Variants in AK9 observed in about 807,000 individuals in gnomAD.
The protein encoded by AK9 is adenylate kinase domain containing 1.
AK9 carries 191 observed loss-of-function variants against 239.6 expected under a neutral mutation model. That is an observed-to-expected ratio of 0.80 (90% CI 0.71 to 0.90). The LOEUF (loss-of-function observed/expected upper bound fraction) is 0.90. AK9 is among the 40% of genes least tolerant of loss of function. AK9 has a pLI of 0.00. For missense variants in AK9, 1,995 were observed against 2,214.7 expected, an observed-to-expected ratio of 0.90 and a Z score of 1.99; for synonymous variants, 689 against 721.0, an observed-to-expected ratio of 0.96 and a Z score of 0.71.
chr6:109,573,278 A>T (rs1268764642), intron 21 of AK9, among the ~76,000 whole-genome samples, 164 bp downstream of exon 21: 1 of 149,630 alleles, frequency 6.7e-6, no homozygotes, highest in Non-Finnish European at 1.5e-5. Context: ...CTTTCCTACC[A>T]CACTTCAAAC....
At chr6:109,537,973 T>C (rs1782268029) in intron 27 of AK9, among the ~76,000 whole-genome samples, 1 of 152,176 alleles carries the variant, frequency 6.6e-6, no homozygotes, top group African/African-American at 2.4e-5. Flanking sequence ...TGAGAGACAG[T>C]TTGTTATAAT....
Position 109,656,761 on chromosome 6 carries a change from A to C in AK9, c.754T>G (p.Leu252Val). ...GCAATATATTTTGTTCTTACTTCTA[A>C]AGTTTGGAGAATTGTTTCCTTATAA... ...KLYKETILQT[L>V]EEVMAEHNPQ... Residue 252 changes from leucine to valine, a missense_variant, in exon 8 of 41, where the codon TTA (leucine) becomes GTA (valine). Coordinates refer to ENST00000424296, the MANE Select transcript of AK9 (RefSeq NM_001145128.3). 1 of 1,587,156 alleles carries C rather than the reference A, an allele frequency of 6.3e-7. No homozygotes were observed. The highest frequency in any genetic ancestry group is 1.1e-5 in the South Asian group (1 of 89,068).
rs148600933 is a variant in AK9, at chr6:109,596,740, C to T, written c.1843-10668G>A. On this transcript the variant is annotated intron_variant, in intron 17 of 40. Coordinates refer to ENST00000424296, the MANE Select transcript of AK9 (RefSeq NM_001145128.3). ...TTATACCACATCTTCTTTATCCAGT[C>T]CTCCATGGATGGACACTTAGGTTGA... Among the ~76,000 whole-genome samples, 19 of 152,304 alleles carry T rather than the reference C, an allele frequency of 1.2e-4. No homozygotes were observed. In the East Asian group the frequency reaches 3.7e-3, roughly 29 times the overall value.
intron 7 of AK9, 57 bp downstream of exon 7, chr6:109,659,171 T>G: frequency 1.4e-6 from 2 of 1,442,772 alleles, no homozygotes; most frequent in Non-Finnish European, 1.8e-6. Flanking sequence ...ATCATTTACC[T>G]TAATTATAGC....
chr6:109,531,787 A>G (rs950310653), intron 28 of AK9, among the ~76,000 whole-genome samples: 2 of 152,160 alleles, frequency 1.3e-5, no homozygotes, highest in African/African-American at 4.8e-5. Flanking sequence ...CTCGCATAGC[A>G]GACAGTTTGG....
chr6:109,689,032 C>T (rs966555007), intron 1 of AK9, among the ~76,000 whole-genome samples: 1 of 152,142 alleles, frequency 6.6e-6, no homozygotes, highest in African/African-American at 2.4e-5. Context: ...TTATGCTCCT[C>T]AGGGATGAAA....
In AK9 at chr6:109,662,555, A is replaced by G; in HGVS notation, c.440T>C (p.Ile147Thr). 6.5e-7 allele frequency: 1 copy of G among 1,532,518 alleles called. No homozygotes were observed. The highest frequency in any genetic ancestry group is 2.4e-5 in the East Asian group (1 of 40,924). The allele number at this position is 1,532,518 out of a possible 1,614,324, so 94.9% of individuals were successfully genotyped here. A position where few individuals can be genotyped will look rare whatever the true frequency, so the allele number is the denominator to read the frequency against. The change falls in exon 6 of 41, where the codon ATA becomes ACA. Residue 147 changes from isoleucine (I) to threonine (T), a missense_variant. Around this residue, in one of 5 missense-constraint regions of AK9, gnomAD observed 252 missense variants for 246.4 expected, o/e 1.02. Transcript: ENST00000424296. ...LNLKPDVIINIKCPDYDLCQR... is the reference protein window; with the variant it reads ...LNLKPDVIINTKCPDYDLCQR... ...CAAAACAATTAATATCCTTACCTTT[A>G]TATTGATTATAACATCAGGTTTCAG...
chr6:109,572,414 A>C (rs1287228519), intron 21 of AK9, among the ~76,000 whole-genome samples: 1 of 152,216 alleles, frequency 6.6e-6, no homozygotes, highest in Non-Finnish European at 1.5e-5. Context: ...ATTAGAAATA[A>C]AAAGTAAAAG....
chr6:109,506,513 C>T lies in AK9; in HGVS notation c.4663G>A (p.Val1555Ile), dbSNP rs2277114. 626,674 of 1,600,812 alleles carry T rather than the reference C, an allele frequency of 0.39. 123,391 individuals are homozygous for T. The highest frequency in any genetic ancestry group is 0.45 in the East Asian group (20,042 of 44,598). Reference protein sequence around the residue: ...PYPLHNSAQIVAVNNVKYRKN... With the variant: ...PYPLHNSAQIIAVNNVKYRKN... ...CGATACTTTACATTATTGACAGCTA[C>T]AATTTGTGCACTATTGTGCAATGGA... is the stretch of plus-strand genomic sequence containing the variant. The change falls in exon 35 of 41, where the codon GTA becomes ATA. Residue 1555 changes from valine to isoleucine, a missense_variant. Physicochemically the swap from Val to Ile is conservative, Grantham distance 29 (BLOSUM62 3). Transcript: ENST00000424296.
intron 21 of AK9, among the ~76,000 whole-genome samples, chr6:109,571,955 A>G (rs2128194615): frequency 6.6e-6 from 1 of 152,338 alleles, no homozygotes; most frequent in Non-Finnish European, 1.5e-5. Context: ...ATTAAAATGT[A>G]GATTCCTAAA....
intron 17 of AK9, among the ~76,000 whole-genome samples, chr6:109,595,756 A>T (rs983965892): frequency 2.0e-5 from 3 of 152,178 alleles, no homozygotes; most frequent in African/African-American, 7.2e-5. Flanking sequence ...CAGGAACAGA[A>T]AACCAAACAC....
At chr6:109,604,874 T>C (rs1792629502) in intron 17 of AK9, among the ~76,000 whole-genome samples, 1 of 152,224 alleles carries the variant, frequency 6.6e-6, no homozygotes, top group South Asian at 2.1e-4. Flanking sequence ...AGTTTAATAA[T>C]TTTATTCATG....
At chr6:109,534,718 T>C (rs1031895048) in intron 27 of AK9, among the ~76,000 whole-genome samples, 30 of 152,172 alleles carry the variant, frequency 2.0e-4, no homozygotes, top group African/African-American at 7.0e-4. Flanking sequence ...TAACTCGTCA[T>C]TTACATTAGG....
At chr6:109,502,734 G>A (rs927803424) in intron 35 of AK9, among the ~76,000 whole-genome samples, 1 of 152,242 alleles carries the variant, frequency 6.6e-6, no homozygotes, top group African/African-American at 2.4e-5. Context: ...AAGGAACTGA[G>A]GGTGGCCTCT....
intron 32 of AK9, among the ~76,000 whole-genome samples, chr6:109,513,464 A>C (rs1023669779): frequency 1.3e-5 from 2 of 152,184 alleles, no homozygotes; most frequent in Non-Finnish European, 2.9e-5. Context: ...AAAATTTCCT[A>C]TAATTTTTGT....
At chr6:109,602,548 T>C (rs1370359015) in intron 17 of AK9, among the ~76,000 whole-genome samples, 4 of 152,162 alleles carry the variant, frequency 2.6e-5, no homozygotes, top group Admixed American at 1.3e-4. Context: ...GACAATTATG[T>C]GTCTTGGAGT....
intron 27 of AK9, among the ~76,000 whole-genome samples, chr6:109,535,933 T>TC (rs1489806303): frequency 6.6e-6 from 1 of 152,234 alleles, no homozygotes; most frequent in Non-Finnish European, 1.5e-5. Flanking sequence ...TGGTATTACC[T>TC]CTGAGGGCTC....
At chr6:109,604,617 C>T (rs1792591374) in intron 17 of AK9, among the ~76,000 whole-genome samples, 1 of 152,154 alleles carries the variant, frequency 6.6e-6, no homozygotes, top group Non-Finnish European at 1.5e-5. Context: ...TTTAGCATTA[C>T]AACATATTTT....
intron 20 of AK9, among the ~76,000 whole-genome samples, chr6:109,575,012 T>C (rs548695708): frequency 2.4e-4 from 36 of 152,336 alleles, no homozygotes; most frequent in African/African-American, 7.9e-4. Flanking sequence ...TCCAACTCCA[T>C]CCAGGTTGCT....
Sources: allele counts gnomAD v4.1 joint callset (sites outside exome capture counted in the v4.1 genomes callset), GRCh38; gene constraint gnomAD v4.1.1; regional missense constraint gnomAD v4.1.1; transcripts MANE v1.5; gene names NCBI Gene and HGNC (gene_info 2026-07-23, HGNC 2026-07-21).